PCDH9: variants seen among roughly 807,000 people sequenced by gnomAD.
The protein encoded by PCDH9 is protocadherin 9, also known as protocadherin-9.
In PCDH9, 24 loss-of-function variants were observed where a neutral mutation model predicts 70.6. That is an observed-to-expected ratio of 0.34 (90% CI 0.25 to 0.48). The LOEUF (loss-of-function observed/expected upper bound fraction) is 0.48. Among genes scored for constraint, PCDH9 ranks in the 20% least tolerant of loss-of-function variants. PCDH9 has a pLI of 0.99. For synonymous variants in PCDH9, 562 were observed against 558.5 expected (o/e 1.01, Z -0.09); for missense variants, 1,281 against 1,503.6 (o/e 0.85, Z 2.45).
intron 3 of PCDH9, among the ~76,000 whole-genome samples, chr13:66,724,197 T>TAC (rs2139159505): frequency 6.6e-6 from 1 of 152,348 alleles, no homozygotes; most frequent in South Asian, 2.1e-4. Flanking sequence ...TGAATGTCTG[T>TAC]ACACAATTCA....
intron 2 of PCDH9, among the ~76,000 whole-genome samples, chr13:67,039,756 T>A (rs569396118): frequency 6.6e-6 from 1 of 152,296 alleles, no homozygotes; most frequent in Non-Finnish European, 1.5e-5. Flanking sequence ...TCTAGCAAAT[T>A]TTCAAACCTG....
At chr13:66,648,593 C>T (rs1262501565) in intron 3 of PCDH9, among the ~76,000 whole-genome samples, 1 of 152,136 alleles carries the variant, frequency 6.6e-6, no homozygotes, top group Non-Finnish European at 1.5e-5. Context: ...GAAAGCCTTT[C>T]CAACAAGGAT....
intron 3 of PCDH9, among the ~76,000 whole-genome samples, chr13:66,731,356 T>C (rs1159739619): frequency 1.3e-5 from 2 of 152,164 alleles, no homozygotes; most frequent in South Asian, 2.1e-4. Context: ...ATGGTTCTAA[T>C]GAAAACAGAG....
At position 66,980,197 on chromosome 13, in the gene PCDH9, C is replaced by T. The variant is rs538737917; in HGVS notation, c.3037-76592G>A. ...CTTCTTGATCTCAATGAAGGCAAAA[C>T]TCGTTTTCATTTACTCATGTTCCCA... On this transcript the variant is annotated intron_variant, in intron 2 of 4. Transcript: ENST00000377865. 3.2e-3 allele frequency among the ~76,000 whole-genome samples: 487 copies of T among 151,992 alleles called. 1 individual carries two copies. The highest frequency in any genetic ancestry group is 0.011 in the African/African-American group (452 of 41,462).
intron 2 of PCDH9, among the ~76,000 whole-genome samples, chr13:67,082,690 G>A (rs1571392): frequency 0.7 from 105,724 of 151,930 alleles, 37,019 homozygotes; most frequent in African/African-American, 0.73. Flanking sequence ...GTTATCCCTC[G>A]TTCTACATAT....
chr13:67,074,167 C>T (rs2025971), intron 2 of PCDH9, among the ~76,000 whole-genome samples: 4,243 of 151,992 alleles, frequency 0.028, 124 homozygotes, highest in East Asian at 0.12. Flanking sequence ...TGTGTTCTCT[C>T]AAAATTCATA....
intron 2 of PCDH9, among the ~76,000 whole-genome samples, chr13:67,100,937 C>T (rs1000525166): frequency 6.6e-6 from 1 of 152,096 alleles, no homozygotes; most frequent in Non-Finnish European, 1.5e-5. Context: ...TGGGTGTGTT[C>T]CTCTGGAATG....
chr13:67,188,287 T>C (rs995899515), intron 2 of PCDH9, among the ~76,000 whole-genome samples: 2 of 152,154 alleles, frequency 1.3e-5, no homozygotes, highest in Non-Finnish European at 2.9e-5. Flanking sequence ...ATATTTTATG[T>C]CAAATGCAAC....
intron 4 of PCDH9, among the ~76,000 whole-genome samples, chr13:66,387,975 T>C (rs959540868): frequency 6.6e-6 from 1 of 152,192 alleles, no homozygotes; most frequent in African/African-American, 2.4e-5. Flanking sequence ...CCCAAGCTAA[T>C]ATTCGGCAGT....
At chr13:67,096,379 C>T (rs1448380239) in intron 2 of PCDH9, among the ~76,000 whole-genome samples, 2 of 152,140 alleles carry the variant, frequency 1.3e-5, no homozygotes, top group African/African-American at 2.4e-5. Context: ...TCAGAATTTA[C>T]TAAAACTATT....
intron 2 of PCDH9, among the ~76,000 whole-genome samples, chr13:67,042,497 A>T (rs1349932727): frequency 2.0e-5 from 3 of 151,978 alleles, no homozygotes; most frequent in African/African-American, 4.8e-5. Context: ...GTATCTAATT[A>T]AAAAAAACAA....
chr13:66,940,686 A>G (rs1215766876), intron 2 of PCDH9, among the ~76,000 whole-genome samples: 1 of 152,018 alleles, frequency 6.6e-6, no homozygotes, highest in African/African-American at 2.4e-5. Flanking sequence ...TTTTTTGTCA[A>G]ACAGATTGGT....
At chr13:66,716,396 G>A (rs1403636715) in intron 3 of PCDH9, among the ~76,000 whole-genome samples, 1 of 152,158 alleles carries the variant, frequency 6.6e-6, no homozygotes, top group Non-Finnish European at 1.5e-5. Context: ...AAGTGTAGAG[G>A]AGACCAGTGG....
At chr13:66,657,662 A>G (rs2139007769) in intron 3 of PCDH9, among the ~76,000 whole-genome samples, 1 of 152,324 alleles carries the variant, frequency 6.6e-6, no homozygotes, top group Non-Finnish European at 1.5e-5. Flanking sequence ...GCATGTGCAT[A>G]TGTGAATTAT....
intron 4 of PCDH9, among the ~76,000 whole-genome samples, chr13:66,340,850 T>A (rs1178682371): frequency 6.6e-6 from 1 of 152,014 alleles, no homozygotes; most frequent in Admixed American, 6.6e-5. Context: ...CTAGAAATTA[T>A]TGTATTAGTA....
At chr13:66,779,849 C>CTCTA (rs1395244975) in intron 3 of PCDH9, among the ~76,000 whole-genome samples, 1,798 of 78,898 alleles carry the variant, frequency 0.023, 26 homozygotes, top group Middle Eastern at 0.038. Flanking sequence ...CTCTCTCTCT[C>CTCTA]TATATATATA....
chr13:66,822,351 T>C (rs893413192), intron 3 of PCDH9, among the ~76,000 whole-genome samples: 2 of 152,132 alleles, frequency 1.3e-5, no homozygotes, highest in African/African-American at 2.4e-5. Flanking sequence ...ACACGTTTTA[T>C]GGATTACCAA....
intron 2 of PCDH9, among the ~76,000 whole-genome samples, chr13:67,084,607 C>T (rs2086056180): frequency 6.6e-6 from 1 of 151,836 alleles, no homozygotes; most frequent in Non-Finnish European, 1.5e-5. Flanking sequence ...TTCCTTTTTC[C>T]AGCTGCAAAC....
At chr13:66,979,513 T>C (rs2139766332) in intron 2 of PCDH9, among the ~76,000 whole-genome samples, 1 of 152,276 alleles carries the variant, frequency 6.6e-6, no homozygotes, top group African/African-American at 2.4e-5. Flanking sequence ...CCTTATGTTT[T>C]CTCAAAGGCT....
Sources: allele counts gnomAD v4.1 joint callset (sites outside exome capture counted in the v4.1 genomes callset), GRCh38; gene constraint gnomAD v4.1.1; transcripts MANE v1.5; gene names NCBI Gene and HGNC (gene_info 2026-07-23, HGNC 2026-07-21).